The following C4orf51 variants were observed in gnomAD, a reference collection of about 807,000 sequenced individuals.
The protein encoded by C4orf51 is uncharacterized protein C4orf51.
Under a neutral mutation model 25.2 loss-of-function variants are expected in C4orf51, and 25 were observed. The observed-to-expected ratio is 0.99, with a 90% CI of 0.72 to 1.39. The LOEUF (loss-of-function observed/expected upper bound fraction) is 1.39, where lower values mean the gene tolerates loss of function less well. Among genes scored for constraint, C4orf51 ranks in the 40% most tolerant of loss-of-function variants. The pLI is 0.00. For synonymous variants in C4orf51, 100 were observed against 84.5 expected (o/e 1.18, Z -1.01); for missense variants, 252 against 239.6 (o/e 1.05, Z -0.34).
chr4:145,697,636 T>G (rs80200662), intron 2 of C4orf51, among the ~76,000 whole-genome samples: 14,959 of 75,704 alleles, frequency 0.2, 1,059 homozygotes, highest in African/African-American at 0.36. Flanking sequence ...GCTGAGTAAT[T>G]TCACTTAGCA....
At chr4:145,716,603 T>A (rs1364589250) in intron 2 of C4orf51, among the ~76,000 whole-genome samples, 1 of 152,242 alleles carries the variant, frequency 6.6e-6, no homozygotes, top group Non-Finnish European at 1.5e-5. Flanking sequence ...GATTGTAATA[T>A]CAAATTAGGA....
At chr4:145,702,147 C>T (rs1261167200) in intron 2 of C4orf51, among the ~76,000 whole-genome samples, 4 of 152,116 alleles carry the variant, frequency 2.6e-5, no homozygotes, top group African/African-American at 9.7e-5. Flanking sequence ...GCATAGGCTT[C>T]TAAAACCTAT....
intron 2 of C4orf51, among the ~76,000 whole-genome samples, chr4:145,715,271 C>T (rs1257732208): frequency 6.6e-6 from 1 of 152,168 alleles, no homozygotes; most frequent in South Asian, 2.1e-4. Flanking sequence ...AGTTCCGAGC[C>T]CTGGTGGCTG....
At chr4:145,717,954 T>C (rs1224703831) in intron 2 of C4orf51, among the ~76,000 whole-genome samples, 1 of 152,252 alleles carries the variant, frequency 6.6e-6, no homozygotes, top group Admixed American at 6.5e-5. Flanking sequence ...TCCATTGTAC[T>C]ATGCTAATAC....
At position 145,761,285 on chromosome 4, in the gene C4orf51, G is replaced by A. The variant is rs954201940; in HGVS notation, n.167-9703G>A. The A allele has an allele frequency of 7.8e-7, 1 of 1,289,926 alleles. No homozygotes were observed. Among genetic ancestry groups the A allele is most frequent in the Non-Finnish European group, 1.0e-6 (1 of 988,882 alleles). The allele number at this position is 1,289,926 out of a possible 1,614,324, so 79.9% of individuals were successfully genotyped here. A position where few individuals can be genotyped will look rare whatever the true frequency, so the allele number is the denominator to read the frequency against. ...CAGCTGAAGGTCTGGCGTGGGGCGTGCTTCAGCTTCTTGTGCAGGTTGAGA... is the reference window on the plus strand; with the variant it reads ...CAGCTGAAGGTCTGGCGTGGGGCGTACTTCAGCTTCTTGTGCAGGTTGAGA... On this transcript the variant is annotated intron_variant and non_coding_transcript_variant, in intron 1 of 1. Transcript: ENST00000510096. This position sits in a 1 kb window ranked among gnomAD's most constrained non-coding sequence, Gnocchi z 6.8.
In C4orf51 at chr4:145,765,304, ATC is replaced by A. The variant is rs969127818; in HGVS notation, n.167-5680_167-5679del. Reference sequence around the variant, plus strand: ...TACCCTTCCAGGCACTGTTCCCCATATCTCTGTGCTAAAAGGAGTTAAATGTA... The same window carrying A: ...TACCCTTCCAGGCACTGTTCCCCATATCTGTGCTAAAAGGAGTTAAATGTA... On this transcript the variant is annotated intron_variant and non_coding_transcript_variant, in intron 1 of 1. Coordinates refer to the C4orf51 transcript ENST00000510096. The surrounding 1 kb of genome is among the most constrained non-coding windows in gnomAD (Gnocchi z 4.7). 5 of 1,042,284 alleles carry A rather than the reference ATC, an allele frequency of 4.8e-6. No homozygotes were observed. The African/African-American group carries it at 8.1e-5, about 17-fold the overall frequency. The allele number at this position is 1,042,284 out of a possible 1,614,324, so 64.6% of individuals were successfully genotyped here. A position where few individuals can be genotyped will look rare whatever the true frequency, so the allele number is the denominator to read the frequency against.
intron 1 of C4orf51, among the ~76,000 whole-genome samples, chr4:145,741,568 T>C (rs1733101190): frequency 6.6e-6 from 1 of 152,194 alleles, no homozygotes; most frequent in South Asian, 2.1e-4. Context: ...ATAATGCCAC[T>C]AGTTTACTCT....
chr4:145,714,665 G>A (rs1731306537), intron 2 of C4orf51, among the ~76,000 whole-genome samples: 1 of 152,144 alleles, frequency 6.6e-6, no homozygotes, highest in South Asian at 2.1e-4. Context: ...TTGGGGGATT[G>A]GTAACTGGAA....
At chr4:145,733,233 C>T (rs1732598686), downstream of C4orf51, among the ~76,000 whole-genome samples, 1 of 152,040 alleles carries the variant, frequency 6.6e-6, no homozygotes, top group African/African-American at 2.4e-5. Context: ...TCTCCTTCTT[C>T]CTCCACGGCC....
Position 145,723,947 on chromosome 4 carries a change from G to A in C4orf51, c.308-2964G>A, listed in dbSNP as rs940768083. 4.6e-5 allele frequency among the ~76,000 whole-genome samples: 7 copies of A among 152,146 alleles called. No homozygotes were observed. The South Asian group carries it at 6.2e-4, about 14-fold the overall frequency. On this transcript the variant is annotated intron_variant, in intron 2 of 5. Transcript: ENST00000438731. Reference sequence around the variant, plus strand: ...GAACACTGGTTCCTCTCCATATACCGCTAAAGAAAATGAGAGACATTTCTA... The same window carrying A: ...GAACACTGGTTCCTCTCCATATACCACTAAAGAAAATGAGAGACATTTCTA...
At chr4:145,742,631 C>T (rs965129343) in intron 1 of C4orf51, among the ~76,000 whole-genome samples, 12 of 149,186 alleles carry the variant, frequency 8.0e-5, no homozygotes, top group African/African-American at 2.7e-4. Flanking sequence ...CCTCCACTTC[C>T]CGGGTTCAAG....
Position 145,718,089 on chromosome 4 carries a change from A to C in C4orf51, c.308-8822A>C, listed in dbSNP as rs78031144. Among the ~76,000 whole-genome samples, 19 of 152,322 alleles carry C rather than the reference A, an allele frequency of 1.2e-4. No individual in the cohort carries two copies. In the East Asian group the frequency reaches 3.1e-3, roughly 25 times the overall value. On this transcript the variant is annotated intron_variant, in intron 2 of 5. Transcript: ENST00000438731. The stretch of plus-strand genomic sequence containing the variant: ...GCTTTCCCTTTCCTTTCTCTGTCCT[A>C]AGCTCCATATCTGTGCCCCACATCT...
chr4:145,760,890 C>G, intron 1 of C4orf51: 1 of 1,229,710 alleles, frequency 8.1e-7, no homozygotes, highest in South Asian at 1.4e-5. Flanking sequence ...ATGTGAGATC[C>G]AAGTGGTTCT....
At chr4:145,760,840 G>A in intron 1 of C4orf51, 1 of 1,206,642 alleles carries the variant, frequency 8.3e-7, no homozygotes, top group Non-Finnish European at 1.1e-6. Context: ...TTTGGGTGAG[G>A]GGATGCTGGG....
chr4:145,781,210 A>G, the C4orf51 span, among the ~76,000 whole-genome samples: 11 of 126,354 alleles, frequency 8.7e-5, no homozygotes, highest in Admixed American at 2.5e-4. Flanking sequence ...AAAAAAAAAA[A>G]AAAAAAAGAA....
intron 1 of C4orf51, among the ~76,000 whole-genome samples, chr4:145,751,206 T>A (rs1190888858): frequency 6.6e-6 from 1 of 152,166 alleles, no homozygotes; most frequent in East Asian, 1.9e-4. Context: ...CTTGAGGATG[T>A]TCAACAATGT....
downstream of C4orf51, among the ~76,000 whole-genome samples, chr4:145,773,549 C>T (rs748012435): frequency 6.6e-6 from 1 of 152,210 alleles, no homozygotes; most frequent in Non-Finnish European, 1.5e-5. Flanking sequence ...TTGTAAGCCC[C>T]GCAAATGCAG....
At position 145,765,446 on chromosome 4, in the gene C4orf51, A is replaced by G; in HGVS notation, n.167-5542A>G. On this transcript the variant is annotated intron_variant and non_coding_transcript_variant, in intron 1 of 1. Transcript: ENST00000510096. This position sits in a 1 kb window ranked among gnomAD's most constrained non-coding sequence, Gnocchi z 4.7. ...GCCCAGCATACTGCATCCTGGGCCT[A>G]TTATCAGTTTTTGACATCGCTCCTG... 7.3e-7 allele frequency: 1 copy of G among 1,376,206 alleles called. No homozygotes were observed. The highest frequency in any genetic ancestry group is 9.8e-7 in the Non-Finnish European group (1 of 1,017,522). 85.2% of individuals were successfully genotyped at this position (1,376,206 alleles called of 1,614,324 possible).
the C4orf51 span, among the ~76,000 whole-genome samples, chr4:145,777,804 T>A: frequency 6.6e-6 from 1 of 152,278 alleles, no homozygotes; most frequent in Non-Finnish European, 1.5e-5. Context: ...CCTCTATAAA[T>A]TTTCCTCTGA....
Sources: gnomAD v4.1 joint callset for allele counts (sites outside exome capture counted in the v4.1 genomes callset) on GRCh38, gnomAD v4.1.1 for gene constraint, Gnocchi (gnomAD v3.1) non-coding constraint, MANE v1.5 for transcripts, NCBI Gene and HGNC (gene_info 2026-07-23, HGNC 2026-07-21) for gene names.